The following THSD7B variants were observed in gnomAD, a reference collection of about 807,000 sequenced individuals.
THSD7B encodes thrombospondin type-1 domain-containing protein 7B.
In THSD7B, 138 loss-of-function variants were observed where a neutral mutation model predicts 213.6. That is an observed-to-expected ratio of 0.65 (90% CI 0.56 to 0.74). THSD7B has a LOEUF of 0.74. Ranked by LOEUF, THSD7B falls within the 30% of genes least tolerant of loss-of-function variation. THSD7B has a pLI of 0.00. For synonymous variants in THSD7B, 742 were observed against 687.0 expected (o/e 1.08, Z -1.25); for missense variants, 1,931 against 1,991.5 (o/e 0.97, Z 0.58).
At chr2:137,329,664 C>T (rs930420642) in intron 12 of THSD7B, among the ~76,000 whole-genome samples, 2 of 152,038 alleles carry the variant, frequency 1.3e-5, no homozygotes, top group Non-Finnish European at 2.9e-5. Context: ...TGCACCCAGC[C>T]CAGCAGAAGA....
rs941544220 is a variant in THSD7B at position 136,765,630 on chromosome 2, C to G, written c.-93C>G. On this transcript the variant is annotated 5_prime_UTR_variant, in exon 1 of 28. Coordinates refer to ENST00000409968, the MANE Select transcript of THSD7B (RefSeq NM_001316349.2). ...CACACACCACCATCTTTCTTGCGCT[C>G]GGGAAGCTCGGGGCTCAGCGGCTCC... The G allele has an allele frequency of 4.0e-5, 6 of 149,914 alleles. No homozygotes were observed. Among genetic ancestry groups the G allele is most frequent in the African/African-American group, 1.5e-4 (6 of 40,932 alleles). The allele number at this position is 149,914 out of a possible 1,614,324, so 9.3% of individuals were successfully genotyped here.
chr2:137,113,888 C>T (rs1688398346), intron 4 of THSD7B, among the ~76,000 whole-genome samples: 1 of 152,184 alleles, frequency 6.6e-6, no homozygotes, highest in Non-Finnish European at 1.5e-5. Context: ...ACTCATGTTA[C>T]AACAAATCCC....
chr2:136,996,259 T>C (rs1444838952), intron 2 of THSD7B, among the ~76,000 whole-genome samples: 3 of 152,198 alleles, frequency 2.0e-5, no homozygotes, highest in African/African-American at 7.2e-5. Flanking sequence ...CATGGAAACC[T>C]ATTTTAATTT....
chr2:137,372,323 C>CTTTTTTTTTTT lies in THSD7B; in HGVS notation c.2501-33272_2501-33262dup, dbSNP rs55635315. 2.3e-4 allele frequency among the ~76,000 whole-genome samples: 13 copies of CTTTTTTTTTTT among 57,532 alleles called. 2 individuals are homozygous for CTTTTTTTTTTT. The highest frequency in any genetic ancestry group is 3.7e-4 in the Non-Finnish European group (11 of 29,870). 37.7% of individuals were successfully genotyped at this position (57,532 alleles called of 152,430 possible). On this transcript the variant is annotated intron_variant, in intron 12 of 27. Coordinates refer to ENST00000409968, the MANE Select transcript of THSD7B (RefSeq NM_001316349.2). ...AGGCCAGAGAGAGTCTGATAATACTCTTTTTTTTTTTTTTTTTTTTTTTTT... is the reference window on the plus strand; with the variant it reads ...AGGCCAGAGAGAGTCTGATAATACTCTTTTTTTTTTTTTTTTTTTTTTTTTTTTTTTTTTTT...
intron 7 of THSD7B, among the ~76,000 whole-genome samples, chr2:137,202,730 G>A (rs1427890439): frequency 6.6e-6 from 1 of 152,138 alleles, no homozygotes; most frequent in Non-Finnish European, 1.5e-5. Flanking sequence ...TACACACCAA[G>A]AATCAGCAAA....
At chr2:137,230,756 T>C (rs1351343803) in intron 7 of THSD7B, among the ~76,000 whole-genome samples, 2 of 152,224 alleles carry the variant, frequency 1.3e-5, no homozygotes, top group African/African-American at 4.8e-5. Flanking sequence ...TTGTTATATA[T>C]GGTTGTCCAT....
At chr2:137,584,642 T>C (rs527921164) in intron 17 of THSD7B, among the ~76,000 whole-genome samples, 1 of 152,356 alleles carries the variant, frequency 6.6e-6, no homozygotes, top group African/African-American at 2.4e-5. Context: ...TTATGTTTAT[T>C]GATTTGTGTA....
At chr2:137,037,326 T>C (rs1310296639) in intron 2 of THSD7B, among the ~76,000 whole-genome samples, 1 of 152,110 alleles carries the variant, frequency 6.6e-6, no homozygotes, top group Non-Finnish European at 1.5e-5. Context: ...GATCTAAATA[T>C]AAATGGACAC....
intron 2 of THSD7B, among the ~76,000 whole-genome samples, chr2:136,962,549 G>A (rs1443618978): frequency 6.6e-6 from 1 of 151,914 alleles, no homozygotes; most frequent in East Asian, 1.9e-4. Context: ...GGGTGGAAAG[G>A]AGGAGCAGAG....
rs1199139953 is a variant in THSD7B at position 137,362,216 on chromosome 2, G to A, written c.2501-43397G>A. On this transcript the variant is annotated intron_variant, in intron 12 of 27. Transcript: ENST00000409968. ...TTTGTCACCACCAGGCCTGCCTTAC[G>A]AGAACTCCTGAAGGAAGCACTAAAC... Among the ~76,000 whole-genome samples, 10 of 152,170 alleles carry A rather than the reference G, an allele frequency of 6.6e-5. No individual in the cohort carries two copies. In the South Asian group the frequency reaches 1.0e-3, roughly 16 times the overall value.
At chr2:137,014,013 A>G (rs1380024440) in intron 2 of THSD7B, among the ~76,000 whole-genome samples, 1 of 152,134 alleles carries the variant, frequency 6.6e-6, no homozygotes, top group Non-Finnish European at 1.5e-5. Flanking sequence ...ACAGCTTTCT[A>G]GTTTCTGCTT....
intron 7 of THSD7B, among the ~76,000 whole-genome samples, chr2:137,210,279 T>A (rs2105032564): frequency 6.6e-6 from 1 of 152,192 alleles, no homozygotes; most frequent in South Asian, 2.1e-4. Context: ...GGCATTTAAG[T>A]AGCTATTACC....
chr2:137,517,274 G>C (rs1179750989), intron 15 of THSD7B, among the ~76,000 whole-genome samples: 1 of 152,240 alleles, frequency 6.6e-6, no homozygotes, highest in African/African-American at 2.4e-5. Flanking sequence ...GCTTCCACAA[G>C]ATATCACACT....
chr2:136,888,434 A>G (rs1683756564), intron 2 of THSD7B, among the ~76,000 whole-genome samples: 1 of 152,100 alleles, frequency 6.6e-6, no homozygotes, highest in South Asian at 2.1e-4. Context: ...TGCATTATGT[A>G]TATTACCTAT....
chr2:137,665,357 T>C (rs775875812), intron 26 of THSD7B, among the ~76,000 whole-genome samples: 2 of 152,174 alleles, frequency 1.3e-5, no homozygotes, highest in Non-Finnish European at 2.9e-5. Context: ...TATGTGTGAG[T>C]ATATGTGTGT....
intron 15 of THSD7B, among the ~76,000 whole-genome samples, chr2:137,497,402 T>G (rs1573663167): frequency 6.6e-6 from 1 of 152,142 alleles, no homozygotes; most frequent in Non-Finnish European, 1.5e-5. Context: ...TTCAACTTGT[T>G]AGTAAACTAT....
intron 12 of THSD7B, among the ~76,000 whole-genome samples, chr2:137,365,036 A>C (rs1685372958): frequency 6.6e-6 from 1 of 152,222 alleles, no homozygotes; most frequent in Non-Finnish European, 1.5e-5. Flanking sequence ...CTGGTACCAG[A>C]ACAGAGATAT....
intron 5 of THSD7B, 62 bp downstream of exon 5, chr2:137,115,355 C>T (rs1475805032): frequency 5.7e-6 from 8 of 1,403,038 alleles, no homozygotes; most frequent in Non-Finnish European, 7.5e-6. Flanking sequence ...CTCTCCAACT[C>T]TCCAAGTATT....
intron 1 of THSD7B, among the ~76,000 whole-genome samples, chr2:136,797,928 C>T (rs1682103028): frequency 6.6e-6 from 1 of 151,908 alleles, no homozygotes; most frequent in Non-Finnish European, 1.5e-5. Flanking sequence ...TTATGTCTGA[C>T]TTCTATTTGG....
Sources: allele counts gnomAD v4.1 joint callset (sites outside exome capture counted in the v4.1 genomes callset), GRCh38; gene constraint gnomAD v4.1.1; transcripts MANE v1.5; gene names NCBI Gene and HGNC (gene_info 2026-07-23, HGNC 2026-07-21).